EPHX4: variants seen among roughly 807,000 people sequenced by gnomAD.
EPHX4 encodes epoxide hydrolase 4.
Under a neutral mutation model 44.9 loss-of-function variants are expected in EPHX4, and 31 were observed. The observed-to-expected ratio is 0.69, with a 90% CI of 0.52 to 0.93. The LOEUF (loss-of-function observed/expected upper bound fraction) is 0.93. Ranked by LOEUF, EPHX4 falls within the 40% of genes least tolerant of loss-of-function variation. The probability of loss-of-function intolerance (pLI) is 0.00; values close to 1 mark genes in which losing one functional copy is unlikely to be tolerated. For synonymous variants in EPHX4, 151 were observed against 159.7 expected (o/e 0.95, Z 0.41); for missense variants, 373 against 438.1 (o/e 0.85, Z 1.33).
chr1:92,038,431 C>A (rs1212656655), intron 2 of EPHX4, among the ~76,000 whole-genome samples: 1 of 152,204 alleles, frequency 6.6e-6, no homozygotes, highest in Non-Finnish European at 1.5e-5. Context: ...GTACTTCTAG[C>A]ACTATCATTA....
chr1:92,041,899 A>G (rs1186639925), intron 2 of EPHX4, among the ~76,000 whole-genome samples: 1 of 152,138 alleles, frequency 6.6e-6, no homozygotes, highest in Non-Finnish European at 1.5e-5. Flanking sequence ...AAATACAAAA[A>G]TTAGCCAGGT....
At chr1:92,052,883 A>C (rs964741413) in intron 6 of EPHX4, among the ~76,000 whole-genome samples, 2 of 152,240 alleles carry the variant, frequency 1.3e-5, no homozygotes, top group Non-Finnish European at 1.5e-5. Context: ...TGTTTTATCC[A>C]TAACTCTATC....
chr1:92,049,844 A>G (rs572907129), intron 4 of EPHX4, among the ~76,000 whole-genome samples: 17 of 152,118 alleles, frequency 1.1e-4, no homozygotes, highest in Non-Finnish European at 1.8e-4. Context: ...CATGCCTGTA[A>G]TCCCAGCACT....
chr1:92,046,721 T>C (rs1364769290), intron 4 of EPHX4, among the ~76,000 whole-genome samples: 1 of 152,136 alleles, frequency 6.6e-6, no homozygotes, highest in African/African-American at 2.4e-5. Context: ...CTCAGCCTCC[T>C]AAAGTGCTGG....
chr1:92,063,235 G>A lies in EPHX4; in HGVS notation c.1038G>A (p.Val346=), dbSNP rs1384900947. Residue 346 remains valine, a synonymous_variant, in exon 7 of 7, where the codon GTG becomes GTA. Transcript: ENST00000370383. The stretch of plus-strand genomic sequence containing the variant: ...TTCAGCAAGACCAACCTGACATAGT[G>A]AACAAATTGATATGGACATTTCTAA... ...HWLQQDQPDI[V]NKLIWTFLKE... is the part of the protein sequence containing the mutation. 2 of 1,612,772 alleles carry A rather than the reference G, an allele frequency of 1.2e-6. No individual in the cohort carries two copies. The highest frequency in any genetic ancestry group is 3.3e-5 in the Admixed American group (2 of 59,980).
chr1:92,037,025 ACT>A (rs1290637537), intron 2 of EPHX4, among the ~76,000 whole-genome samples: 2 of 152,148 alleles, frequency 1.3e-5, no homozygotes, highest in Admixed American at 6.5e-5. Flanking sequence ...TTAAGACAAA[ACT>A]CTTTTTTATT....
intron 1 of EPHX4, among the ~76,000 whole-genome samples, chr1:92,031,138 G>A (rs901656639): frequency 2.0e-5 from 3 of 152,176 alleles, no homozygotes; most frequent in Non-Finnish European, 2.9e-5. Context: ...CTGAAGTTCA[G>A]AAGGGCAAGA....
rs1688331195 is a variant in EPHX4, at chr1:92,030,124, C to A, written c.45C>A (p.Leu15=). The A allele has an allele frequency of 3.7e-6, 6 of 1,611,122 alleles. No homozygotes were observed. The highest frequency in any genetic ancestry group is 2.2e-5 in the East Asian group (1 of 44,548). The stretch of plus-strand genomic sequence containing the variant: ...GCCTGCCCCGCCTGATGCTCACGCT[C>A]CGGTCCCTGCTCTTCTGGTCCCTGG... ...RDCLPRLMLT[L]RSLLFWSLVY... is the part of the protein sequence containing the mutation. Residue 15 remains leucine, a synonymous_variant, in exon 1 of 7, where the codon CTC becomes CTA. Transcript: ENST00000370383.
chr1:92,060,608 C>T (rs1210237973), intron 6 of EPHX4, among the ~76,000 whole-genome samples: 2 of 151,786 alleles, frequency 1.3e-5, no homozygotes, highest in Admixed American at 1.3e-4. Context: ...GGGAGAATGG[C>T]CGAGATCATT....
chr1:92,038,811 C>T (rs1688474530), intron 2 of EPHX4, among the ~76,000 whole-genome samples: 1 of 152,122 alleles, frequency 6.6e-6, no homozygotes, highest in African/African-American at 2.4e-5. Flanking sequence ...ACCAATATCT[C>T]TATTTGTTCA....
Position 92,033,096 on chromosome 1 carries a change from T to C in EPHX4, c.317+506T>C, listed in dbSNP as rs556204038. Among the ~76,000 whole-genome samples the C allele has an allele frequency of 1.4e-3, 218 of 151,718 alleles. 2 individuals are homozygous for C. The highest frequency in any genetic ancestry group is 4.7e-3 in the African/African-American group (193 of 41,382). On this transcript the variant is annotated intron_variant, in intron 2 of 6. Coordinates refer to ENST00000370383, the MANE Select transcript of EPHX4 (RefSeq NM_173567.5). ...CCACACCTAGCTTTTTTTTTTTTTT[T>C]TGGAGGTGGGATCTTGCTATATTGC...
chr1:92,057,273 A>G (rs1437780327), intron 6 of EPHX4, among the ~76,000 whole-genome samples: 1 of 152,122 alleles, frequency 6.6e-6, no homozygotes, highest in Non-Finnish European at 1.5e-5. Context: ...GACTACTAAG[A>G]TACATAAACT....
intron 6 of EPHX4, among the ~76,000 whole-genome samples, chr1:92,054,450 G>A (rs1051568764): frequency 2.0e-5 from 3 of 152,110 alleles, no homozygotes; most frequent in Admixed American, 2.0e-4. Context: ...TTAGCTGGGT[G>A]TGGTGGCACA....
At chr1:92,056,927 A>G (rs1647382600) in intron 6 of EPHX4, among the ~76,000 whole-genome samples, 1 of 152,178 alleles carries the variant, frequency 6.6e-6, no homozygotes, top group Admixed American at 6.5e-5. Context: ...AAACTTTTAG[A>G]AAACCTCATA....
rs66834073 is a variant in EPHX4 at position 92,042,724 on chromosome 1, CAAAAAAAAAAAA to C, written c.318-91_318-80del. Reference sequence around the variant, plus strand: ...TGGGTGACAGAGCAAAACTCTGTCTCAAAAAAAAAAAAAAAAAAAGAAAGGAAAAAGAAAATC... The same window carrying C: ...TGGGTGACAGAGCAAAACTCTGTCTCAAAAAAAGAAAGGAAAAAGAAAATC... On this transcript the variant is annotated intron_variant, in intron 2 of 6. Coordinates refer to ENST00000370383, the MANE Select transcript of EPHX4 (RefSeq NM_173567.5). 4 of 690,834 alleles carry C rather than the reference CAAAAAAAAAAAA, an allele frequency of 5.8e-6. No individual in the cohort carries two copies. In the African/African-American group the frequency reaches 1.2e-4, roughly 20 times the overall value. 42.8% of individuals were successfully genotyped at this position (690,834 alleles called of 1,614,324 possible). A position where few individuals can be genotyped will look rare whatever the true frequency, so the allele number is the denominator to read the frequency against.
intron 1 of EPHX4, among the ~76,000 whole-genome samples, chr1:92,030,648 A>G (rs1211942341): frequency 2.6e-5 from 4 of 151,974 alleles, no homozygotes; most frequent in Admixed American, 1.3e-4. Flanking sequence ...TTCCTACTGC[A>G]AGGGGAAGCT....
At chr1:92,049,433 A>G (rs1390891194) in intron 4 of EPHX4, among the ~76,000 whole-genome samples, 1 of 152,156 alleles carries the variant, frequency 6.6e-6, no homozygotes, top group East Asian at 1.9e-4. Context: ...ATTGCTCTCT[A>G]AAGTGATCTT....
intron 1 of EPHX4, among the ~76,000 whole-genome samples, chr1:92,031,466 A>G (rs1457443198): frequency 7.2e-5 from 11 of 152,188 alleles, no homozygotes; most frequent in Non-Finnish European, 1.5e-4. Context: ...CTGGCCGCCT[A>G]AAGAGCTTCC....
At chr1:92,038,543 G>A (rs1363763170) in intron 2 of EPHX4, among the ~76,000 whole-genome samples, 1 of 152,126 alleles carries the variant, frequency 6.6e-6, no homozygotes, top group Non-Finnish European at 1.5e-5. Context: ...AAACGATCTC[G>A]TGGAAGAGCC....
Sources: gnomAD v4.1 joint callset for allele counts (sites outside exome capture counted in the v4.1 genomes callset) on GRCh38, gnomAD v4.1.1 for gene constraint, MANE v1.5 for transcripts, NCBI Gene and HGNC (gene_info 2026-07-23, HGNC 2026-07-21) for gene names.